The following HERC2 variants were observed in gnomAD, a reference collection of about 807,000 sequenced individuals.
The protein encoded by HERC2 is E3 ubiquitin-protein ligase HERC2.
In HERC2, 102 loss-of-function variants were observed where a neutral mutation model predicts 537.7. That is an observed-to-expected ratio of 0.19 (90% confidence interval 0.16 to 0.22). The LOEUF (loss-of-function observed/expected upper bound fraction) is 0.22. HERC2 is among the 10% of genes least tolerant of loss of function. The probability of loss-of-function intolerance (pLI) is 1.00; values close to 1 mark genes in which losing one functional copy is unlikely to be tolerated. For missense variants in HERC2, 4,236 were observed against 6,198.2 expected, an observed-to-expected ratio of 0.68 and a Z score of 10.63; for synonymous variants, 2,224 against 2,466.2, an observed-to-expected ratio of 0.90 and a Z score of 2.91.
chr15:28,267,553 A>T (rs895043262), intron 12 of HERC2, among the ~76,000 whole-genome samples: 11 of 152,162 alleles, frequency 7.2e-5, no homozygotes, highest in African/African-American at 2.7e-4. Flanking sequence ...AATTCCATGG[A>T]GATCAATCTT....
intron 68 of HERC2, 33 bp from the exon 69 acceptor site, chr15:28,163,318 G>A (rs747131218): frequency 3.2e-6 from 5 of 1,584,092 alleles, no homozygotes. Context: ...ATTAACATGA[G>A]GAATGATATG....
intron 4 of HERC2, among the ~76,000 whole-genome samples, chr15:28,283,032 C>CAAAA (rs35092122): frequency 4.2e-5 from 2 of 47,432 alleles, no homozygotes; most frequent in African/African-American, 7.8e-5. Context: ...AATGTCCCAG[C>CAAAA]AAAAAAAAAA....
chr15:28,209,940 CTTTTTT>C (rs1164101918), intron 44 of HERC2, among the ~76,000 whole-genome samples: 4 of 77,344 alleles, frequency 5.2e-5, no homozygotes, highest in African/African-American at 1.1e-4. Flanking sequence ...AATACATTAT[CTTTTTT>C]TTTTTTTTTT....
chr15:28,127,516 G>T (rs981733587), intron 83 of HERC2, among the ~76,000 whole-genome samples: 1 of 152,160 alleles, frequency 6.6e-6, no homozygotes, highest in Non-Finnish European at 1.5e-5. Flanking sequence ...CATAAACCAG[G>T]GTATTGTTTA....
intron 2 of HERC2, among the ~76,000 whole-genome samples, chr15:28,301,684 ATCT>A (rs1420086234): frequency 8.7e-6 from 1 of 115,502 alleles, no homozygotes; most frequent in Non-Finnish European, 1.7e-5. Flanking sequence ...ATGTTTGCCC[ATCT>A]TTTTTTTTTT....
chr15:28,159,231 C>T (rs1217996935), intron 69 of HERC2, among the ~76,000 whole-genome samples: 4 of 151,940 alleles, frequency 2.6e-5, no homozygotes, highest in East Asian at 1.9e-4. Context: ...TTGCTCTTCT[C>T]GAGGAGTATC....
At chr15:28,235,247 C>T (rs1041910283) in intron 26 of HERC2, among the ~76,000 whole-genome samples, 1 of 152,142 alleles carries the variant, frequency 6.6e-6, no homozygotes, top group Non-Finnish European at 1.5e-5. Flanking sequence ...CTCTGGCCCC[C>T]TCTCTTTAAG....
intron 35 of HERC2, among the ~76,000 whole-genome samples, chr15:28,224,833 A>T (rs184646214): frequency 9.5e-4 from 145 of 152,252 alleles, no homozygotes; most frequent in African/African-American, 3.5e-3. Context: ...AATGAGAAAT[A>T]AAAAAAAGAA....
At chr15:28,214,920 T>G in intron 39 of HERC2, 118 bp from the exon 40 acceptor site, 12 of 746,590 alleles carry the variant, frequency 1.6e-5, no homozygotes, top group Middle Eastern at 4.0e-4. Context: ...TCACCCGGGC[T>G]GGAGTGCAGT....
chr15:28,195,675 A>G (rs182555979), intron 52 of HERC2, among the ~76,000 whole-genome samples: 6,969 of 151,854 alleles, frequency 0.046, 498 homozygotes, highest in African/African-American at 0.16. Flanking sequence ...GGTTGGGGTA[A>G]GGGGAAGTAG....
Position 28,142,397 on chromosome 15 carries a change from C to A in HERC2, c.11545-4G>T. 1 of 1,611,150 alleles carries A rather than the reference C, an allele frequency of 6.2e-7. No individual in the cohort carries two copies. The highest frequency in any genetic ancestry group is 8.5e-7 in the Non-Finnish European group (1 of 1,178,710). On this transcript the variant is annotated splice_region_variant and splice_polypyrimidine_tract_variant and intron_variant, in intron 75 of 92. Transcript: ENST00000261609. The stretch of plus-strand genomic sequence containing the variant: ...CACAAGCAAGAGCTACCAGTACCTG[C>A]AGGCACCAAAAATGACAAACTCAGG...
intron 2 of HERC2, among the ~76,000 whole-genome samples, chr15:28,304,989 G>A (rs2076744999): frequency 2.0e-5 from 3 of 149,526 alleles, no homozygotes; most frequent in South Asian, 2.1e-4. Context: ...TCTTGCGATA[G>A]TTTACTAAGA....
intron 52 of HERC2, among the ~76,000 whole-genome samples, chr15:28,195,242 A>ACAAGCAAGACCCAACC (rs1897245391): frequency 6.6e-6 from 1 of 152,150 alleles, no homozygotes; most frequent in African/African-American, 2.4e-5. Context: ...TGTATATAAC[A>ACAAGCAAGACCCAACC]TATGCACTCC....
chr15:28,304,932 T>A (rs1170704306), intron 2 of HERC2, among the ~76,000 whole-genome samples: 2 of 144,704 alleles, frequency 1.4e-5, no homozygotes, highest in Non-Finnish European at 3.0e-5. Flanking sequence ...GATCTCATTG[T>A]TCAATTCCCA....
intron 67 of HERC2, 88 bp downstream of exon 67, chr15:28,168,319 T>C (rs1203347002): frequency 7.5e-7 from 1 of 1,331,538 alleles, no homozygotes; most frequent in African/African-American, 1.5e-5. Context: ...AGAAACAGCC[T>C]AAACTAAATG....
chr15:28,117,510 C>G (rs773239327), intron 86 of HERC2: 1 of 574,058 alleles, frequency 1.7e-6, no homozygotes, highest in Non-Finnish European at 3.3e-6. Flanking sequence ...ACCCTAAGCA[C>G]TGCTGCTACT....
chr15:28,293,583 T>C (rs796426006), intron 3 of HERC2, among the ~76,000 whole-genome samples: 2 of 152,112 alleles, frequency 1.3e-5, no homozygotes, highest in African/African-American at 4.8e-5. Flanking sequence ...AGTACATTTC[T>C]CAACTGAGAA....
At chr15:28,280,601 G>A (rs988635617) in intron 4 of HERC2, among the ~76,000 whole-genome samples, 50 of 152,158 alleles carry the variant, frequency 3.3e-4, no homozygotes, top group African/African-American at 1.2e-3. Context: ...TCTCTCTATG[G>A]AAACATCATA....
Position 28,177,055 on chromosome 15 carries a change from C to T in HERC2, c.9327G>A (p.Ser3109=), listed in dbSNP as rs773588588. 33 of 1,613,946 alleles carry T rather than the reference C, an allele frequency of 2.0e-5. No homozygotes were observed. Among genetic ancestry groups the T allele is most frequent in the African/African-American group, 2.7e-5 (2 of 74,920 alleles). Residue 3109 remains serine, a synonymous_variant, in exon 61 of 93, where the codon TCG becomes TCA. Coordinates refer to ENST00000261609, the MANE Select transcript of HERC2 (RefSeq NM_004667.6). The surrounding 1 kb of genome is among the most constrained non-coding windows in gnomAD (Gnocchi z 5.0). Reference sequence around the variant, plus strand: ...CGCTGGATGTGAGGGCTGCGCTGTGCGAGCTCCCACAGGCGATATCCCGGA... The same window carrying T: ...CGCTGGATGTGAGGGCTGCGCTGTGTGAGCTCCCACAGGCGATATCCCGGA... The part of the protein sequence containing the change: ...KRIRDIACGS[S]HSAALTSSGE...
Sources: allele counts gnomAD v4.1 joint callset (sites outside exome capture counted in the v4.1 genomes callset), GRCh38; gene constraint gnomAD v4.1.1; non-coding constraint Gnocchi (gnomAD v3.1); transcripts MANE v1.5; gene names NCBI Gene and HGNC (gene_info 2026-07-23, HGNC 2026-07-21).